Variants in UST observed in about 807,000 individuals in gnomAD.
UST encodes the protein uronyl 2-sulfotransferase.
In UST, 21 loss-of-function variants were observed where a neutral mutation model predicts 45.6. The observed-to-expected ratio is 0.46, with a 90% CI of 0.33 to 0.66. The LOEUF (loss-of-function observed/expected upper bound fraction) is 0.66. Ranked by LOEUF, UST falls within the 30% of genes least tolerant of loss-of-function variation. The probability of loss-of-function intolerance (pLI) is 0.02; values close to 1 mark genes in which losing one functional copy is unlikely to be tolerated. For missense variants in UST, 463 were observed against 512.4 expected, an observed-to-expected ratio of 0.90 and a Z score of 0.93; for synonymous variants, 215 against 200.6, an observed-to-expected ratio of 1.07 and a Z score of -0.61.
intron 7 of UST, among the ~76,000 whole-genome samples, chr6:149,030,405 G>T (rs1249854580): frequency 6.6e-6 from 1 of 151,774 alleles, no homozygotes. Context: ...ACCTTGGGAG[G>T]CCAAGGCAGG....
chr6:149,006,731 A>G (rs1017025596), intron 5 of UST, among the ~76,000 whole-genome samples: 3 of 152,118 alleles, frequency 2.0e-5, no homozygotes, highest in Non-Finnish European at 4.4e-5. Context: ...AAATGTTCCT[A>G]TTTCTCCACA....
intron 5 of UST, among the ~76,000 whole-genome samples, chr6:149,002,331 G>A (rs772406387): frequency 6.6e-6 from 1 of 152,004 alleles, no homozygotes; most frequent in Non-Finnish European, 1.5e-5. Context: ...CAGAAATTAA[G>A]TATTTTAATC....
intron 2 of UST, among the ~76,000 whole-genome samples, chr6:148,940,947 A>T (rs1483505864): frequency 6.6e-6 from 1 of 152,230 alleles, no homozygotes; most frequent in East Asian, 1.9e-4. Flanking sequence ...CTGATAAAGC[A>T]TAATAGCAAA....
chr6:148,927,619 G>A (rs1432544503), intron 2 of UST, among the ~76,000 whole-genome samples: 1 of 152,056 alleles, frequency 6.6e-6, no homozygotes, highest in African/African-American at 2.4e-5. Context: ...AATTAAGTGA[G>A]ATATTGCGTG....
chr6:148,996,288 G>A (rs1488867250), intron 5 of UST, among the ~76,000 whole-genome samples: 2 of 152,150 alleles, frequency 1.3e-5, no homozygotes, highest in East Asian at 3.9e-4. Context: ...GCATGATCTT[G>A]GCTCACTGCA....
At chr6:148,988,056 G>C (rs1314754783) in intron 5 of UST, among the ~76,000 whole-genome samples, 1 of 151,964 alleles carries the variant, frequency 6.6e-6, no homozygotes, top group Admixed American at 6.6e-5. Flanking sequence ...GTGTCTGTGA[G>C]GCTTCCTGGA....
chr6:149,024,535 G>A (rs1282062962), intron 7 of UST, among the ~76,000 whole-genome samples: 2 of 151,558 alleles, frequency 1.3e-5, no homozygotes, highest in African/African-American at 4.9e-5. Context: ...CCCTGAGGCA[G>A]AGGACAAGAG....
chr6:148,895,056 T>C (rs1779097801), intron 2 of UST, among the ~76,000 whole-genome samples: 1 of 152,118 alleles, frequency 6.6e-6, no homozygotes, highest in Non-Finnish European at 1.5e-5. Flanking sequence ...GACCTTGTGA[T>C]CCACCCACCT....
At chr6:148,879,194 T>A (rs542387573) in intron 1 of UST, among the ~76,000 whole-genome samples, 1 of 152,268 alleles carries the variant, frequency 6.6e-6, no homozygotes, top group South Asian at 2.1e-4. Context: ...ACAATTTCCT[T>A]GCACCCCCTT....
At chr6:148,946,463 G>T (rs1481187476) in intron 3 of UST, among the ~76,000 whole-genome samples, 2 of 139,442 alleles carry the variant, frequency 1.4e-5, no homozygotes, top group Admixed American at 1.5e-4. Flanking sequence ...GTGAGCCGAA[G>T]TTGCACGACT....
chr6:148,788,045 T>C (rs779406652), intron 1 of UST, among the ~76,000 whole-genome samples: 5 of 152,176 alleles, frequency 3.3e-5, no homozygotes, highest in Non-Finnish European at 5.9e-5. Context: ...TTTAATGGAC[T>C]TACAGTTCCA....
In UST at chr6:149,033,036, A is replaced by G. The variant is rs1046893051; in HGVS notation, c.937+11555A>G. Among the ~76,000 whole-genome samples, 5 of 152,220 alleles carry G rather than the reference A, an allele frequency of 3.3e-5. No individual in the cohort carries two copies. The East Asian group carries it at 9.6e-4, about 29-fold the overall frequency. On this transcript the variant is annotated intron_variant, in intron 7 of 7. Transcript: ENST00000367463. ...TTTTGGACTTTCCTGATAACGCCAC[A>G]AAGCTGAAAGGCTTCTAAAGCTTGA...
rs558842040 is a variant in UST at position 148,998,670 on chromosome 6, G to A, written c.682-20469G>A. Among the ~76,000 whole-genome samples, 98 of 152,266 alleles carry A rather than the reference G, an allele frequency of 6.4e-4. 1 individual carries two copies. The South Asian group carries it at 0.017, about 27-fold the overall frequency. ...GGCTAAGTAGCGGGTAGGGATGCGG[G>A]CCCATCCATAAACCCGACCTCCTGC... On this transcript the variant is annotated intron_variant, in intron 5 of 7. Coordinates refer to ENST00000367463, the MANE Select transcript of UST (RefSeq NM_005715.3).
chr6:148,927,000 T>G (rs1779825669), intron 2 of UST, among the ~76,000 whole-genome samples: 1 of 152,104 alleles, frequency 6.6e-6, no homozygotes, highest in Non-Finnish European at 1.5e-5. Flanking sequence ...AAGAAAGCAA[T>G]TAACAATACA....
At chr6:148,944,057 G>GA (rs532622233) in intron 3 of UST, among the ~76,000 whole-genome samples, 16 of 152,122 alleles carry the variant, frequency 1.1e-4, no homozygotes, top group Non-Finnish European at 1.6e-4. Flanking sequence ...TGCATAAACA[G>GA]AAAAAATATT....
chr6:148,948,597 A>G (rs2114932600), intron 3 of UST, among the ~76,000 whole-genome samples: 1 of 152,336 alleles, frequency 6.6e-6, no homozygotes, highest in African/African-American at 2.4e-5. Flanking sequence ...GTTAGGATAT[A>G]TACTCAGTTT....
At chr6:148,807,461 C>T (rs1300245069) in intron 1 of UST, among the ~76,000 whole-genome samples, 2 of 152,210 alleles carry the variant, frequency 1.3e-5, no homozygotes, top group South Asian at 2.1e-4. Context: ...TTGTTTCTTT[C>T]GAGGGATAAT....
intron 2 of UST, among the ~76,000 whole-genome samples, chr6:148,898,684 C>T (rs1779184082): frequency 6.6e-6 from 1 of 152,174 alleles, no homozygotes; most frequent in Admixed American, 6.5e-5. Context: ...TTAAGCACAT[C>T]TTTCATTTTT....
intron 1 of UST, among the ~76,000 whole-genome samples, chr6:148,870,397 T>G (rs1460273573): frequency 5.9e-5 from 9 of 152,214 alleles, no homozygotes; most frequent in Non-Finnish European, 1.2e-4. Flanking sequence ...CCAATCCCTT[T>G]GGCATCTTTG....
Sources: gnomAD v4.1 joint callset for allele counts (sites outside exome capture counted in the v4.1 genomes callset) on GRCh38, gnomAD v4.1.1 for gene constraint, MANE v1.5 for transcripts, NCBI Gene and HGNC (gene_info 2026-07-23, HGNC 2026-07-21) for gene names.